The following TENM3 variants were observed in gnomAD, a reference collection of about 807,000 sequenced individuals.
TENM3 encodes the protein teneurin transmembrane protein 3, also known as teneurin-3.
Under a neutral mutation model 255.1 loss-of-function variants are expected in TENM3, and 63 were observed. The ratio of observed to expected loss-of-function variants is 0.25; its 90% CI spans 0.20 to 0.30. The LOEUF (loss-of-function observed/expected upper bound fraction) is 0.30, where lower values mean the gene tolerates loss of function less well. Among genes scored for constraint, TENM3 ranks in the 10% least tolerant of loss-of-function variants. The pLI, the probability that TENM3 is intolerant of heterozygous loss-of-function variation, is 1.00. For missense variants in TENM3, 2,929 were observed against 3,461.1 expected (o/e 0.85, Z 3.86); for synonymous variants, 1,306 against 1,322.3 (o/e 0.99, Z 0.27).
the TENM3 span, among the ~76,000 whole-genome samples, chr4:181,832,668 T>C: frequency 5.9e-5 from 9 of 152,204 alleles, no homozygotes; most frequent in Non-Finnish European, 1.0e-4. Flanking sequence ...AGATAAACTT[T>C]CCAAGATTCT....
At position 182,352,755 on chromosome 4, in the gene TENM3, A is replaced by T. The variant is rs571744031; in HGVS notation, c.511+5826A>T. ...TGGAGAGATAAAGTCTAAAAGTTGC[A>T]TTATTGTATTTTAAGAGGAAAAAGG... On this transcript the variant is annotated intron_variant, in intron 3 of 27. Coordinates refer to ENST00000511685, the MANE Select transcript of TENM3 (RefSeq NM_001080477.4). Among the ~76,000 whole-genome samples the T allele has an allele frequency of 6.6e-5, 10 of 152,258 alleles. No homozygotes were observed. The East Asian group carries it at 1.9e-3, about 29-fold the overall frequency.
chr4:181,962,210 G>C, the TENM3 span, among the ~76,000 whole-genome samples: 1 of 152,188 alleles, frequency 6.6e-6, no homozygotes, highest in Admixed American at 6.5e-5. Flanking sequence ...TATTCTAGTT[G>C]CCTCTCCCAC....
chr4:181,875,976 T>C, the TENM3 span, among the ~76,000 whole-genome samples: 1 of 152,218 alleles, frequency 6.6e-6, no homozygotes. Context: ...TGAAAGTAAA[T>C]GTGGTATCTT....
chr4:182,060,420 C>A, the TENM3 span, among the ~76,000 whole-genome samples: 1 of 152,114 alleles, frequency 6.6e-6, no homozygotes, highest in Admixed American at 6.5e-5. Flanking sequence ...AAGGAGCATG[C>A]AACCGAGATC....
At chr4:181,877,017 T>TAA in the TENM3 span, 2 of 152,156 alleles carry the variant, frequency 1.3e-5, no homozygotes, top group East Asian at 1.9e-4. Context: ...TATATATATA[T>TAA]AACCACAAAT....
At chr4:182,597,180 A>G (rs1027675461) in intron 3 of TENM3, among the ~76,000 whole-genome samples, 5 of 152,114 alleles carry the variant, frequency 3.3e-5, no homozygotes, top group South Asian at 2.1e-4. Context: ...CCGCGGGAGG[A>G]TCGCTTGAGC....
intron 3 of TENM3, among the ~76,000 whole-genome samples, chr4:182,399,942 C>T (rs1031312357): frequency 6.6e-6 from 1 of 151,938 alleles, no homozygotes; most frequent in African/African-American, 2.4e-5. Context: ...ACTGGCACTC[C>T]TTCTTTGCTA....
At chr4:182,111,453 A>G in the TENM3 span, among the ~76,000 whole-genome samples, 1 of 152,122 alleles carries the variant, frequency 6.6e-6, no homozygotes, top group Non-Finnish European at 1.5e-5. Context: ...CTTGAAAGCC[A>G]AATACAGAAC....
chr4:182,436,358 G>A (rs535462349), intron 3 of TENM3, among the ~76,000 whole-genome samples: 8 of 152,228 alleles, frequency 5.3e-5, no homozygotes, highest in Non-Finnish European at 8.8e-5. Flanking sequence ...GTCTGTCTTC[G>A]GGGTCATACT....
chr4:181,916,674 C>A, the TENM3 span, among the ~76,000 whole-genome samples: 1 of 151,980 alleles, frequency 6.6e-6, no homozygotes, highest in Non-Finnish European at 1.5e-5. Context: ...GTCAGGAGAT[C>A]GAGACCACCC....
intron 16 of TENM3, among the ~76,000 whole-genome samples, chr4:182,735,559 C>G (rs1020015026): frequency 6.6e-6 from 1 of 152,152 alleles, no homozygotes; most frequent in African/African-American, 2.4e-5. Context: ...ATTCTAAGAT[C>G]TTTCCAACAT....
chr4:182,343,542 G>A (rs1764611294), intron 2 of TENM3, among the ~76,000 whole-genome samples: 1 of 152,056 alleles, frequency 6.6e-6, no homozygotes, highest in Admixed American at 6.6e-5. Context: ...GTTCAGCCTG[G>A]TCCCAGGGGC....
the TENM3 span, among the ~76,000 whole-genome samples, chr4:181,957,685 TCATC>T: frequency 6.6e-6 from 1 of 152,188 alleles, no homozygotes; most frequent in East Asian, 1.9e-4. Flanking sequence ...CATGTCTAGA[TCATC>T]CAACTAGGCA....
chr4:181,665,540 T>A, the TENM3 span, among the ~76,000 whole-genome samples: 1 of 152,152 alleles, frequency 6.6e-6, no homozygotes, highest in Admixed American at 6.6e-5. Flanking sequence ...TGTGTATACG[T>A]ATATACTTTT....
intron 3 of TENM3, among the ~76,000 whole-genome samples, chr4:182,545,504 G>A (rs79468642): frequency 0.036 from 5,531 of 151,842 alleles, 136 homozygotes; most frequent in Middle Eastern, 0.062. Flanking sequence ...GTTCTCTCTT[G>A]CGCAGAACCT....
intron 2 of TENM3, among the ~76,000 whole-genome samples, chr4:182,335,433 T>G (rs1764058768): frequency 7.9e-6 from 1 of 126,064 alleles, no homozygotes; most frequent in South Asian, 2.9e-4. Context: ...AGGCGGAGCT[T>G]GCAGTGAGCC....
chr4:182,015,311 A>G, the TENM3 span, among the ~76,000 whole-genome samples: 2 of 152,186 alleles, frequency 1.3e-5, no homozygotes, highest in Admixed American at 1.3e-4. Flanking sequence ...CACGGCAGCC[A>G]GGTGGTCATA....
At chr4:182,272,636 G>T (rs963008051) in intron 1 of TENM3, among the ~76,000 whole-genome samples, 1 of 152,156 alleles carries the variant, frequency 6.6e-6, no homozygotes, top group Non-Finnish European at 1.5e-5. Flanking sequence ...CTCAAGTAAT[G>T]GTTACTAGTC....
the TENM3 span, among the ~76,000 whole-genome samples, chr4:182,039,420 T>C: frequency 6.6e-6 from 1 of 152,182 alleles, no homozygotes; most frequent in East Asian, 1.9e-4. Flanking sequence ...AGTTGTTTGC[T>C]GTGCCATGGC....
Sources: gnomAD v4.1 joint callset for allele counts (sites outside exome capture counted in the v4.1 genomes callset) on GRCh38, gnomAD v4.1.1 for gene constraint, MANE v1.5 for transcripts, NCBI Gene and HGNC (gene_info 2026-07-23, HGNC 2026-07-21) for gene names.